Variants in CCDC141 observed in about 807,000 individuals in gnomAD.
The protein encoded by CCDC141 is coiled-coil domain containing 141.
In CCDC141, 168 loss-of-function variants were observed where a neutral mutation model predicts 181.0. That is an observed-to-expected ratio of 0.93 (90% CI 0.82 to 1.05). The LOEUF (loss-of-function observed/expected upper bound fraction) is 1.05, where lower values mean the gene tolerates loss of function less well. Among genes scored for constraint, CCDC141 ranks in the 50% least tolerant of loss-of-function variants. CCDC141 has a pLI of 0.00. For missense variants in CCDC141, 1,902 were observed against 1,788.5 expected, an observed-to-expected ratio of 1.06 and a Z score of -1.14; for synonymous variants, 666 against 642.3, an observed-to-expected ratio of 1.04 and a Z score of -0.56.
At chr2:178,927,665 G>C (rs1260121698) in intron 6 of CCDC141, among the ~76,000 whole-genome samples, 1 of 152,130 alleles carries the variant, frequency 6.6e-6, no homozygotes, top group Non-Finnish European at 1.5e-5. Flanking sequence ...CAAGCTGTGG[G>C]AGTTATCCAG....
Position 178,839,428 on chromosome 2 carries a change from T to A in CCDC141, c.3475-1684A>T, listed in dbSNP as rs1452161990. On this transcript the variant is annotated intron_variant, in intron 22 of 23. Transcript: ENST00000443758. ...ACTCTGTCTCAAAAAAAAAAAAAAA[T>A]AGCTATGTGTGGTGATGGGTGCCTG... Among the ~76,000 whole-genome samples the A allele has an allele frequency of 5.3e-3, 678 of 128,072 alleles. 9 individuals are homozygous for A. The highest frequency in any genetic ancestry group is 0.019 in the African/African-American group (649 of 34,470). 84.0% of individuals were successfully genotyped at this position (128,072 alleles called of 152,430 possible). A position where few individuals can be genotyped will look rare whatever the true frequency, so the allele number is the denominator to read the frequency against.
chr2:178,944,678 C>T (rs919280745), intron 5 of CCDC141, 27 bp from the exon 6 acceptor site: 21 of 1,060,768 alleles, frequency 2.0e-5, no homozygotes, highest in Admixed American at 1.0e-4. Context: ...AAAGAAAGAT[C>T]AAAATTCAAA....
intron 2 of CCDC141, among the ~76,000 whole-genome samples, chr2:179,030,625 C>T (rs769083196): frequency 6.6e-6 from 1 of 151,904 alleles, no homozygotes; most frequent in Non-Finnish European, 1.5e-5. Flanking sequence ...TTCATTGTTG[C>T]AAAATGCTTA....
At chr2:179,043,754 G>T (rs370995747) in intron 2 of CCDC141, among the ~76,000 whole-genome samples, 3 of 152,182 alleles carry the variant, frequency 2.0e-5, no homozygotes, top group Non-Finnish European at 4.4e-5. Context: ...CATTCTCCTC[G>T]TATACCAGCA....
At chr2:178,984,045 A>G (rs1167198410) in intron 2 of CCDC141, among the ~76,000 whole-genome samples, 1 of 152,100 alleles carries the variant, frequency 6.6e-6, no homozygotes, top group Non-Finnish European at 1.5e-5. Flanking sequence ...GAAGGAAAAA[A>G]TGTTAAGGGC....
At chr2:178,819,290 A>G in the CCDC141 span, among the ~76,000 whole-genome samples, 422 of 152,268 alleles carry the variant, frequency 2.8e-3, no homozygotes, top group Admixed American at 4.8e-3. Flanking sequence ...TGATACATTT[A>G]ATTGAACATC....
intron 1 of CCDC141, among the ~76,000 whole-genome samples, chr2:179,048,296 T>G (rs985611898): frequency 6.6e-6 from 1 of 152,200 alleles, no homozygotes; most frequent in Non-Finnish European, 1.5e-5. Flanking sequence ...TCCATTCCAT[T>G]AAGGTGGACT....
At chr2:178,892,185 T>C (rs1447684211) in intron 8 of CCDC141, among the ~76,000 whole-genome samples, 1 of 151,820 alleles carries the variant, frequency 6.6e-6, no homozygotes, top group African/African-American at 2.4e-5. Flanking sequence ...TTAGCATTTA[T>C]AGTTACGTTA....
chr2:178,920,817 T>A (rs149529096), intron 6 of CCDC141, among the ~76,000 whole-genome samples: 26 of 152,166 alleles, frequency 1.7e-4, no homozygotes, highest in African/African-American at 6.3e-4. Flanking sequence ...GAAACTGTTA[T>A]AGTTTTAGGT....
chr2:178,920,424 T>C (rs937841064), intron 6 of CCDC141, among the ~76,000 whole-genome samples: 3 of 151,960 alleles, frequency 2.0e-5, no homozygotes, highest in African/African-American at 4.8e-5. Context: ...TTGGGGAATA[T>C]AAAGAAAGAA....
At chr2:179,040,763 C>T (rs1575381334) in intron 2 of CCDC141, among the ~76,000 whole-genome samples, 1 of 152,206 alleles carries the variant, frequency 6.6e-6, no homozygotes, top group Admixed American at 6.5e-5. Context: ...ATGTACCACA[C>T]TTTCTTTATC....
chr2:178,859,903 G>A (rs1031494861), intron 17 of CCDC141, among the ~76,000 whole-genome samples: 6 of 152,132 alleles, frequency 3.9e-5, no homozygotes, highest in South Asian at 2.1e-4. Flanking sequence ...TAGTCTTGAC[G>A]AAGCTGGTTG....
intron 2 of CCDC141, among the ~76,000 whole-genome samples, chr2:179,016,248 AC>A (rs2042538464): frequency 6.6e-6 from 1 of 151,976 alleles, no homozygotes; most frequent in South Asian, 2.1e-4. Flanking sequence ...TGCGGTGTAT[AC>A]TGCTCGGGTT....
intron 22 of CCDC141, among the ~76,000 whole-genome samples, chr2:178,844,291 G>A (rs566337625): frequency 6.6e-6 from 1 of 152,100 alleles, no homozygotes; most frequent in Non-Finnish European, 1.5e-5. Context: ...TCTTTATTGT[G>A]TCGACCACTC....
In CCDC141 at chr2:178,865,801, A is replaced by G. The variant is rs781467207; in HGVS notation, c.2690T>C (p.Val897Ala). The change falls in exon 17 of 24, where the codon GTG becomes GCG. Residue 897 changes from valine (V) to alanine (A), a missense_variant. Transcript: ENST00000443758. The part of the protein sequence containing the change: ...EEYGRTLSRS[V>A]EYCAMRDEIN... ...CTCGTCTCTCATGGCGCAGTACTCC[A>G]CACTACGGGACAGGGTCCGTCCATA... The G allele has an allele frequency of 3.8e-6, 6 of 1,595,394 alleles. No individual in the cohort carries two copies. In the East Asian group the frequency reaches 1.4e-4, roughly 36 times the overall value.
intron 2 of CCDC141, among the ~76,000 whole-genome samples, chr2:179,017,974 C>A (rs548561773): frequency 3.8e-4 from 58 of 152,186 alleles, no homozygotes; most frequent in Non-Finnish European, 7.1e-4. Flanking sequence ...GGAATTGGAT[C>A]TGAGAAAAAG....
rs184898153 is a variant in CCDC141, at chr2:179,013,874, C to T, written c.225+33410G>A. Among the ~76,000 whole-genome samples the T allele has an allele frequency of 8.1e-4, 108 of 132,518 alleles. 1 individual carries two copies. Among genetic ancestry groups the T allele is most frequent in the Admixed American group, 1.3e-3 (14 of 11,056 alleles). The allele number at this position is 132,518 out of a possible 152,430, so 86.9% of individuals were successfully genotyped here. A position where few individuals can be genotyped will look rare whatever the true frequency, so the allele number is the denominator to read the frequency against. On this transcript the variant is annotated intron_variant, in intron 2 of 23. Transcript: ENST00000443758. Reference sequence around the variant, plus strand: ...TTGGGAGGCTGAGGCAGGAGAATGGCGTGAACCTGGGAGGTGGAACTTGCA... The same window carrying T: ...TTGGGAGGCTGAGGCAGGAGAATGGTGTGAACCTGGGAGGTGGAACTTGCA...
chr2:179,008,001 T>C (rs1163394832), intron 2 of CCDC141, among the ~76,000 whole-genome samples: 1 of 152,194 alleles, frequency 6.6e-6, no homozygotes, highest in African/African-American at 2.4e-5. Context: ...GTAACAGTGT[T>C]CACAAGATGA....
At chr2:178,818,397 A>G in the CCDC141 span, among the ~76,000 whole-genome samples, 2 of 152,146 alleles carry the variant, frequency 1.3e-5, no homozygotes, top group Non-Finnish European at 2.9e-5. Flanking sequence ...ATTATTCCCC[A>G]CATGCATTAG....
Sources: allele counts gnomAD v4.1 joint callset (sites outside exome capture counted in the v4.1 genomes callset), GRCh38; gene constraint gnomAD v4.1.1; transcripts MANE v1.5; gene names NCBI Gene and HGNC (gene_info 2026-07-23, HGNC 2026-07-21).